The following DIS3L2 variants were observed in gnomAD, a reference collection of about 807,000 sequenced individuals.
DIS3L2 encodes the protein DIS3 like 3'-5' exoribonuclease 2, also known as DIS3-like exonuclease 2.
A neutral mutation model predicts 97.5 loss-of-function variants in DIS3L2; 34 were observed. The observed-to-expected ratio is 0.35, with a 90% confidence interval of 0.27 to 0.46. The LOEUF (loss-of-function observed/expected upper bound fraction) is 0.46, where lower values mean the gene tolerates loss of function less well. DIS3L2 is among the 20% of genes least tolerant of loss of function. DIS3L2 has a pLI of 1.00. For synonymous variants in DIS3L2, 435 were observed against 445.2 expected, an observed-to-expected ratio of 0.98 and a Z score of 0.29; for missense variants, 1,038 against 1,146.0, an observed-to-expected ratio of 0.91 and a Z score of 1.36.
chr2:232,094,325 T>C (rs1465150682), intron 6 of DIS3L2, among the ~76,000 whole-genome samples: 1 of 152,196 alleles, frequency 6.6e-6, no homozygotes, highest in Non-Finnish European at 1.5e-5. Context: ...TAAATATTTA[T>C]TAGGGCTATT....
chr2:232,206,273 A>G (rs940686774), intron 9 of DIS3L2, among the ~76,000 whole-genome samples: 1 of 152,254 alleles, frequency 6.6e-6, no homozygotes, highest in African/African-American at 2.4e-5. Flanking sequence ...AACTGATTTA[A>G]TCATAAGATC....
chr2:232,336,453 G>T lies in DIS3L2; in HGVS notation c.2497-16G>T. ...GCCCTGCCATCCTTGTCCCCTCACG[G>T]CTGGGCTCTGCACAGGTCATCACCA... On this transcript the variant is annotated splice_polypyrimidine_tract_variant and intron_variant, in intron 20 of 20. Transcript: ENST00000325385. 1.2e-6 allele frequency: 2 copies of T among 1,605,070 alleles called. No individual in the cohort carries two copies. The highest frequency in any genetic ancestry group is 1.7e-6 in the Non-Finnish European group (2 of 1,176,626).
downstream of DIS3L2, among the ~76,000 whole-genome samples, chr2:232,341,754 G>A (rs920496831): frequency 1.3e-5 from 2 of 152,156 alleles, no homozygotes; most frequent in African/African-American, 4.8e-5. Context: ...TAATATGGCA[G>A]AAGGGACACT....
chr2:232,279,504 GTGTTTGTTTGTTTGTT>G (rs112447261), intron 13 of DIS3L2, among the ~76,000 whole-genome samples: 30 of 149,724 alleles, frequency 2.0e-4, no homozygotes, highest in South Asian at 8.6e-4. Flanking sequence ...ATTGGTGTGT[GTGTTTGTTTGTTTGTT>G]TGTTTGTTTG....
At chr2:232,088,985 A>G (rs1392934537) in intron 6 of DIS3L2, among the ~76,000 whole-genome samples, 3 of 152,176 alleles carry the variant, frequency 2.0e-5, no homozygotes, top group Non-Finnish European at 2.9e-5. Flanking sequence ...GTTCCCATGA[A>G]AGGCTAGGAG....
At chr2:232,192,852 G>C (rs1366350612) in intron 9 of DIS3L2, among the ~76,000 whole-genome samples, 1 of 152,210 alleles carries the variant, frequency 6.6e-6, no homozygotes, top group Non-Finnish European at 1.5e-5. Context: ...TTGTTTTAAG[G>C]ATGCTGTGGT....
intron 1 of DIS3L2, among the ~76,000 whole-genome samples, chr2:232,012,573 C>G (rs999450831): frequency 2.6e-5 from 4 of 152,196 alleles, no homozygotes; most frequent in African/African-American, 9.7e-5. Context: ...TTCTTAGTCA[C>G]TAGTGGTAGC....
chr2:231,991,856 G>A (rs1693592374), intron 1 of DIS3L2, among the ~76,000 whole-genome samples: 1 of 152,174 alleles, frequency 6.6e-6, no homozygotes, highest in Non-Finnish European at 1.5e-5. Flanking sequence ...CATTCAGTAA[G>A]CATTTCCTGA....
chr2:232,280,483 T>G (rs1694254116), intron 13 of DIS3L2, among the ~76,000 whole-genome samples: 1 of 152,236 alleles, frequency 6.6e-6, no homozygotes, highest in Admixed American at 6.5e-5. Flanking sequence ...GCCGATTACA[T>G]GTGAACACCC....
intron 1 of DIS3L2, among the ~76,000 whole-genome samples, chr2:231,974,691 C>T (rs1490727776): frequency 5.3e-5 from 8 of 151,896 alleles, no homozygotes; most frequent in African/African-American, 1.9e-4. Context: ...CTTAGAAATG[C>T]TGGGATTTGG....
intron 13 of DIS3L2, among the ~76,000 whole-genome samples, chr2:232,294,944 C>G (rs185721390): frequency 6.6e-6 from 1 of 152,152 alleles, no homozygotes; most frequent in Non-Finnish European, 1.5e-5. Context: ...TCCCATCAGC[C>G]TCTTTCCCAT....
At chr2:232,123,692 TA>T (rs551972606) in intron 6 of DIS3L2, among the ~76,000 whole-genome samples, 1 of 151,928 alleles carries the variant, frequency 6.6e-6, no homozygotes, top group Non-Finnish European at 1.5e-5. Context: ...TATTTGGATT[TA>T]AAAAAAATCT....
intron 10 of DIS3L2, among the ~76,000 whole-genome samples, chr2:232,220,392 G>A (rs1692464577): frequency 6.6e-6 from 1 of 152,050 alleles, no homozygotes; most frequent in African/African-American, 2.4e-5. Context: ...CAGTGGCAGT[G>A]CTCACCTATA....
At chr2:232,136,338 C>A (rs1430481894) in intron 7 of DIS3L2, 134 bp from the exon 8 acceptor site, 3 of 1,093,524 alleles carry the variant, frequency 2.7e-6, no homozygotes, top group African/African-American at 3.2e-5. Context: ...CAGATCATCA[C>A]TGAGAGGCAC....
intron 8 of DIS3L2, among the ~76,000 whole-genome samples, chr2:232,154,841 T>C (rs1269380500): frequency 2.0e-5 from 2 of 101,724 alleles, no homozygotes; most frequent in Non-Finnish European, 2.0e-5. Flanking sequence ...ACTGCTGTGC[T>C]AGCAATCAGC....
At chr2:231,978,582 G>A (rs1186411267) in intron 1 of DIS3L2, 1 of 152,200 alleles carries the variant, frequency 6.6e-6, no homozygotes, top group African/African-American at 2.4e-5. Context: ...AAGTAAAAGA[G>A]AATGATTTCC....
chr2:232,095,370 A>AG (rs1696976082), intron 6 of DIS3L2, among the ~76,000 whole-genome samples: 1 of 152,136 alleles, frequency 6.6e-6, no homozygotes, highest in Admixed American at 6.5e-5. Flanking sequence ...GCTATCCTTT[A>AG]ACCCATTATT....
chr2:232,086,659 A>ACACATATATATATGTGTG (rs1553606034), intron 5 of DIS3L2, among the ~76,000 whole-genome samples: 1 of 92,488 alleles, frequency 1.1e-5, no homozygotes, highest in Non-Finnish European at 2.0e-5. Flanking sequence ...ATATATATAT[A>ACACATATATATATGTGTG]TGTGTGTGTG....
At chr2:232,248,134 G>T (rs1403805314) in intron 11 of DIS3L2, among the ~76,000 whole-genome samples, 1 of 152,200 alleles carries the variant, frequency 6.6e-6, no homozygotes, top group Non-Finnish European at 1.5e-5. Context: ...GAGTACAGTT[G>T]CAGATACTTC....
Sources: gnomAD v4.1 joint callset for allele counts (sites outside exome capture counted in the v4.1 genomes callset) on GRCh38, gnomAD v4.1.1 for gene constraint, MANE v1.5 for transcripts, NCBI Gene and HGNC (gene_info 2026-07-23, HGNC 2026-07-21) for gene names.